Variants in CD59 observed in about 807,000 individuals in gnomAD.
CD59 encodes CD59 molecule (CD59 blood group).
A neutral mutation model predicts 7.0 loss-of-function variants in CD59; 3 were observed. The observed-to-expected ratio is 0.43, with a 90% CI of 0.19 to 1.10. The LOEUF (loss-of-function observed/expected upper bound fraction) is 1.10. Ranked by LOEUF, CD59 falls within the 50% of genes least tolerant of loss-of-function variation. The pLI is 0.29. For missense variants in CD59, 143 were observed against 151.0 expected, an observed-to-expected ratio of 0.95 and a Z score of 0.28; for synonymous variants, 60 against 62.0, an observed-to-expected ratio of 0.97 and a Z score of 0.15.
In CD59 at chr11:33,710,104, G is replaced by C. The variant is rs768526855; in HGVS notation, c.*22C>G. ...GACTACGCAGGAACGGGGAGTTTGG[G>C]AGAAGCTCTCCTGGTGTTGACTTAG... is the stretch of plus-strand genomic sequence containing the variant. On this transcript the variant is annotated 3_prime_UTR_variant, in exon 4 of 4. Coordinates refer to ENST00000642928, the MANE Select transcript of CD59 (RefSeq NM_000611.6). 18 of 1,578,384 alleles carry C rather than the reference G, an allele frequency of 1.1e-5. 1 individual carries two copies. The highest frequency in any genetic ancestry group is 1.7e-4 in the Middle Eastern group (1 of 6,016).
rs1853463716 is a variant in CD59, at chr11:33,709,902, C to T, written c.*224G>A. On this transcript the variant is annotated 3_prime_UTR_variant, in exon 4 of 4. Transcript: ENST00000642928. Reference sequence around the variant, plus strand: ...GCATGCAATCTAGTTCAAGTCACACCTACTTCACTCTTAGACTTCTTCCTT... The same window carrying T: ...GCATGCAATCTAGTTCAAGTCACACTTACTTCACTCTTAGACTTCTTCCTT... 2 of 612,582 alleles carry T rather than the reference C, an allele frequency of 3.3e-6. No homozygotes were observed. The highest frequency in any genetic ancestry group is 5.5e-5 in the East Asian group (2 of 36,322). 37.9% of individuals were successfully genotyped at this position (612,582 alleles called of 1,614,324 possible). A position where few individuals can be genotyped will look rare whatever the true frequency, so the allele number is the denominator to read the frequency against.
chr11:33,715,768 C>A (rs1199271962), intron 3 of CD59, among the ~76,000 whole-genome samples: 1 of 152,172 alleles, frequency 6.6e-6, no homozygotes, highest in African/African-American at 2.4e-5. Flanking sequence ...GGAAAAAGAT[C>A]TTGGCTTTGA....
rs1047581 is a variant in CD59 at position 33,703,446 on chromosome 11, T to C, written c.*6680A>G. On this transcript the variant is annotated 3_prime_UTR_variant, in exon 4 of 4. Transcript: ENST00000642928. ...TCCCTCCCTGGGCTCCAAAGCACTA[T>C]GTCACCTACCTCTCCACTCAAATGC... 41,102 of 152,154 alleles carry C rather than the reference T, an allele frequency of 0.27. 5,774 individuals carry two copies. The highest frequency in any genetic ancestry group is 0.33 in the Middle Eastern group (98 of 296). 9.4% of individuals were successfully genotyped at this position (152,154 alleles called of 1,614,324 possible). A position where few individuals can be genotyped will look rare whatever the true frequency, so the allele number is the denominator to read the frequency against.
At chr11:33,734,551 A>T (rs1854509719) in intron 1 of CD59, among the ~76,000 whole-genome samples, 2 of 152,054 alleles carry the variant, frequency 1.3e-5, no homozygotes, top group Non-Finnish European at 2.9e-5. Context: ...GCTCCCACTT[A>T]TTAGGCCAGA....
At chr11:33,732,012 T>C (rs1022327099) in intron 1 of CD59, among the ~76,000 whole-genome samples, 4 of 152,004 alleles carry the variant, frequency 2.6e-5, no homozygotes, top group Non-Finnish European at 4.4e-5. Flanking sequence ...CAAGAGCTGA[T>C]GGTTTTATAA....
chr11:33,715,778 A>C lies in CD59; in HGVS notation c.169+1592T>G, dbSNP rs80013312. 8.4e-3 allele frequency among the ~76,000 whole-genome samples: 1,274 copies of C among 152,176 alleles called. 10 individuals carry two copies. Among genetic ancestry groups the C allele is most frequent in the Middle Eastern group, 0.017 (5 of 294 alleles). ...GAGCTGGAAAAAGATCTTGGCTTTG[A>C]CCTCCTTTCCTCTCCTCCCTACCTC... On this transcript the variant is annotated intron_variant, in intron 3 of 3. Transcript: ENST00000642928.
chr11:33,730,597 G>GC (rs1363655870), intron 1 of CD59, among the ~76,000 whole-genome samples: 1 of 152,158 alleles, frequency 6.6e-6, no homozygotes, highest in East Asian at 1.9e-4. Context: ...CTCAAGTGTT[G>GC]CAAGGATCTA....
intron 3 of CD59, among the ~76,000 whole-genome samples, chr11:33,714,280 C>G (rs1229971151): frequency 6.6e-6 from 1 of 152,182 alleles, no homozygotes; most frequent in Non-Finnish European, 1.5e-5. Flanking sequence ...CAAACCTGTA[C>G]AGCAAGTTAC....
intron 3 of CD59, among the ~76,000 whole-genome samples, chr11:33,715,819 A>G (rs934562398): frequency 3.3e-5 from 5 of 152,220 alleles, no homozygotes; most frequent in African/African-American, 1.2e-4. Flanking sequence ...TCCAACACAT[A>G]CATTTCATAA....
rs752999784 is a variant in CD59 at position 33,722,369 on chromosome 11, G to C, written c.67+10C>G. ...AGCCTAGATCCATGTCCTGAGACTG[G>C]AGCACTCACCTGAATGGCAGAAGAC... On this transcript the variant is annotated intron_variant, in intron 2 of 3. Coordinates refer to ENST00000642928, the MANE Select transcript of CD59 (RefSeq NM_000611.6). 1 of 1,598,300 alleles carries C rather than the reference G, an allele frequency of 6.3e-7. No individual in the cohort carries two copies. The highest frequency in any genetic ancestry group is 8.6e-7 in the Non-Finnish European group (1 of 1,165,600).
In CD59 at chr11:33,707,284, A is replaced by G. The variant is rs959243864; in HGVS notation, c.*2842T>C. On this transcript the variant is annotated 3_prime_UTR_variant, in exon 4 of 4. Transcript: ENST00000642928. ...TACCAAGAGAACTCAGATGTATAAA[A>G]GTGGTTAATTCTGTCAAGAGGCCCA... is the stretch of plus-strand genomic sequence containing the variant. 2 of 152,216 alleles carry G rather than the reference A, an allele frequency of 1.3e-5. No individual in the cohort carries two copies. The highest frequency in any genetic ancestry group is 2.9e-5 in the Non-Finnish European group (2 of 68,040). The allele number at this position is 152,216 out of a possible 1,614,324, so 9.4% of individuals were successfully genotyped here. A position where few individuals can be genotyped will look rare whatever the true frequency, so the allele number is the denominator to read the frequency against.
At chr11:33,729,529 T>G (rs1471368194) in intron 1 of CD59, among the ~76,000 whole-genome samples, 27 of 148,060 alleles carry the variant, frequency 1.8e-4, no homozygotes, top group African/African-American at 2.5e-4. Flanking sequence ...AGTTGGGGGG[T>G]GGGGGAGGGA....
At chr11:33,715,930 C>T (rs147312157) in intron 3 of CD59, among the ~76,000 whole-genome samples, 55 of 152,322 alleles carry the variant, frequency 3.6e-4, no homozygotes, top group Middle Eastern at 3.4e-3. Context: ...TTGCCCTTAT[C>T]GTCTCATTTG....
chr11:33,720,205 C>T (rs1331656959), intron 2 of CD59, among the ~76,000 whole-genome samples: 1 of 152,252 alleles, frequency 6.6e-6, no homozygotes, highest in Non-Finnish European at 1.5e-5. Flanking sequence ...CAATTATCTT[C>T]ATCCCCACCT....
At position 33,703,204 on chromosome 11, in the gene CD59, G is replaced by T. The variant is rs1456137783; in HGVS notation, c.*6922C>A. 1.3e-5 allele frequency: 2 copies of T among 152,132 alleles called. No homozygotes were observed. Among genetic ancestry groups the T allele is most frequent in the East Asian group, 3.9e-4 (2 of 5,188 alleles). 9.4% of individuals were successfully genotyped at this position (152,132 alleles called of 1,614,324 possible). ...TTATAGCCAGGGGGTTAAATAAGAAGTTGATGACAAACTTGGTTTCTCTAA... is the reference window on the plus strand; with the variant it reads ...TTATAGCCAGGGGGTTAAATAAGAATTTGATGACAAACTTGGTTTCTCTAA... On this transcript the variant is annotated 3_prime_UTR_variant, in exon 4 of 4. Coordinates refer to ENST00000642928, the MANE Select transcript of CD59 (RefSeq NM_000611.6).
chr11:33,727,840 A>G (rs1320928781), intron 1 of CD59, among the ~76,000 whole-genome samples: 1 of 152,228 alleles, frequency 6.6e-6, no homozygotes, highest in Non-Finnish European at 1.5e-5. Flanking sequence ...TACAAAATCA[A>G]TGTGCAAAAA....
At chr11:33,717,333 C>T (rs1219685351) in intron 3 of CD59, 37 bp downstream of exon 3, 1 of 1,349,322 alleles carries the variant, frequency 7.4e-7, no homozygotes, top group South Asian at 1.2e-5. Context: ...ACTTATTACC[C>T]CATTACATTT....
chr11:33,729,366 A>G (rs371345306), intron 1 of CD59, among the ~76,000 whole-genome samples: 2 of 152,196 alleles, frequency 1.3e-5, no homozygotes, highest in Admixed American at 1.3e-4. Flanking sequence ...TGTCCTTTGC[A>G]GGGACATGGA....
In CD59 at chr11:33,717,534, C is replaced by T. The variant is rs1853854471; in HGVS notation, c.68-63G>A. ...CACTGACTTGTCCCCTGGCAGCCCA[C>T]CATCTCCATTAATATGGGCCCAAAG... On this transcript the variant is annotated intron_variant, in intron 2 of 3. Coordinates refer to ENST00000642928, the MANE Select transcript of CD59 (RefSeq NM_000611.6). The T allele has an allele frequency of 7.8e-6, 8 of 1,024,364 alleles. No homozygotes were observed. The South Asian group carries it at 1.1e-4, about 14-fold the overall frequency. The allele number at this position is 1,024,364 out of a possible 1,614,324, so 63.5% of individuals were successfully genotyped here.
Sources: gnomAD v4.1 joint callset for allele counts (sites outside exome capture counted in the v4.1 genomes callset) on GRCh38, gnomAD v4.1.1 for gene constraint, MANE v1.5 for transcripts, NCBI Gene and HGNC (gene_info 2026-07-23, HGNC 2026-07-21) for gene names.